Variants in NBEA observed in about 807,000 individuals in gnomAD.
NBEA encodes neurobeachin.
Under a neutral mutation model 343.4 loss-of-function variants are expected in NBEA, and 44 were observed. The observed-to-expected ratio is 0.13, with a 90% CI of 0.10 to 0.16. NBEA has a LOEUF of 0.16. NBEA is among the 10% of genes least tolerant of loss of function. NBEA has a pLI of 1.00. For synonymous variants in NBEA, 1,175 were observed against 1,238.7 expected (o/e 0.95, Z 1.08); for missense variants, 2,555 against 3,631.3 (o/e 0.70, Z 7.62).
At chr13:35,191,352 G>A (rs536869292) in intron 30 of NBEA, among the ~76,000 whole-genome samples, 18 of 152,158 alleles carry the variant, frequency 1.2e-4, no homozygotes, top group South Asian at 8.3e-4. Context: ...TTGACACAGC[G>A]TAGTCAAAAC....
At chr13:35,231,909 T>C (rs1200480300) in intron 33 of NBEA, among the ~76,000 whole-genome samples, 2 of 152,160 alleles carry the variant, frequency 1.3e-5, no homozygotes, top group South Asian at 4.1e-4. Context: ...TTTTTAAGAA[T>C]GTCAAGTAGT....
chr13:35,071,729 T>A (rs1246504619), intron 10 of NBEA, among the ~76,000 whole-genome samples: 2 of 152,048 alleles, frequency 1.3e-5, no homozygotes, highest in Non-Finnish European at 1.5e-5. Flanking sequence ...AATGAAGATA[T>A]GAGAAAAATT....
intron 16 of NBEA, 84 bp downstream of exon 16, chr13:35,118,558 T>A (rs2066623792): frequency 9.7e-7 from 1 of 1,026,262 alleles, no homozygotes; most frequent in Non-Finnish European, 1.4e-6. Flanking sequence ...CTATGAATAT[T>A]TGAATAAATA....
chr13:35,171,962 T>C (rs2070496188), intron 26 of NBEA, among the ~76,000 whole-genome samples: 2 of 152,084 alleles, frequency 1.3e-5, no homozygotes, highest in Non-Finnish European at 1.5e-5. Flanking sequence ...AGTGAAACTT[T>C]AGCACTGAAA....
At chr13:35,061,235 A>G (rs1344370132) in intron 8 of NBEA, among the ~76,000 whole-genome samples, 1 of 151,730 alleles carries the variant, frequency 6.6e-6, no homozygotes, top group African/African-American at 2.4e-5. Flanking sequence ...ATCAGTAAAT[A>G]TTCTGTACTT....
At chr13:35,257,211 G>A (rs74048963) in intron 34 of NBEA, among the ~76,000 whole-genome samples, 2,297 of 152,282 alleles carry the variant, frequency 0.015, 52 homozygotes, top group African/African-American at 0.052. Context: ...GTAGTAAAGT[G>A]GATAAGTTTA....
chr13:35,508,721 AAGGAATCT>A (rs2077163017), intron 41 of NBEA, among the ~76,000 whole-genome samples: 1 of 152,188 alleles, frequency 6.6e-6, no homozygotes, highest in Non-Finnish European at 1.5e-5. Flanking sequence ...GAAATAGTAA[AAGGAATCT>A]AGGAGACATT....
intron 10 of NBEA, among the ~76,000 whole-genome samples, chr13:35,082,854 C>G (rs7981772): frequency 0.027 from 4,176 of 152,074 alleles, 82 homozygotes; most frequent in South Asian, 0.075. Flanking sequence ...AAAATTTTCT[C>G]CCATTCTGTA....
intron 30 of NBEA, among the ~76,000 whole-genome samples, chr13:35,192,566 T>C (rs1290383121): frequency 6.6e-6 from 1 of 151,994 alleles, no homozygotes; most frequent in Non-Finnish European, 1.5e-5. Context: ...TAGTACTATG[T>C]AAATATTTTG....
intron 36 of NBEA, among the ~76,000 whole-genome samples, chr13:35,336,682 G>A (rs944673203): frequency 4.6e-5 from 7 of 151,950 alleles, no homozygotes; most frequent in Non-Finnish European, 7.4e-5. Flanking sequence ...ACTGTATTAT[G>A]AAGCCTTAAA....
chr13:35,557,509 TA>T (rs1380053913), intron 44 of NBEA, among the ~76,000 whole-genome samples: 1 of 152,188 alleles, frequency 6.6e-6, no homozygotes, highest in East Asian at 1.9e-4. Flanking sequence ...GGTGGGAATT[TA>T]AAAGCATCTT....
intron 5 of NBEA, among the ~76,000 whole-genome samples, chr13:35,049,747 C>A (rs2062998508): frequency 6.6e-6 from 1 of 151,814 alleles, no homozygotes; most frequent in Non-Finnish European, 1.5e-5. Context: ...TAGAAGAAAA[C>A]AACTATATTT....
chr13:35,103,014 T>C (rs1423308367), intron 11 of NBEA, among the ~76,000 whole-genome samples: 1 of 151,848 alleles, frequency 6.6e-6, no homozygotes, highest in Non-Finnish European at 1.5e-5. Flanking sequence ...GATTACTTTG[T>C]GTGGATTTTT....
chr13:35,308,162 T>C (rs958264592), intron 35 of NBEA, among the ~76,000 whole-genome samples: 6 of 151,390 alleles, frequency 4.0e-5, no homozygotes, highest in African/African-American at 1.5e-4. Flanking sequence ...TCAGAATGAG[T>C]GTAAAGCCTT....
At chr13:35,371,670 C>T (rs927099747) in intron 38 of NBEA, among the ~76,000 whole-genome samples, 2 of 152,032 alleles carry the variant, frequency 1.3e-5, no homozygotes, top group African/African-American at 4.8e-5. Context: ...GTCGTATTTG[C>T]TTGCTTTCTT....
chr13:35,425,588 A>G (rs1475524373), intron 38 of NBEA, among the ~76,000 whole-genome samples: 2 of 152,188 alleles, frequency 1.3e-5, no homozygotes, highest in Non-Finnish European at 2.9e-5. Context: ...ATTTTGGAAT[A>G]GGTGTGGTGT....
intron 10 of NBEA, among the ~76,000 whole-genome samples, chr13:35,085,168 G>A (rs1246408618): frequency 5.3e-5 from 8 of 152,116 alleles, no homozygotes; most frequent in Admixed American, 6.5e-5. Flanking sequence ...GGAGGAGCTG[G>A]TACCATTCCT....
chr13:35,050,296 C>T lies in NBEA; in HGVS notation c.873C>T (p.Tyr291=), dbSNP rs1259476297. Residue 291 remains tyrosine (Y), a synonymous_variant, in exon 6 of 59, where the codon TAC becomes TAT. Coordinates refer to ENST00000379939, the MANE Select transcript of NBEA (RefSeq NM_001385012.1). ...YCFRTSKGVG[Y]SAHFVGNCLI... Reference sequence around the variant, plus strand: ...TTCGTACTAGCAAAGGAGTTGGTTACTCTGCTCATTTTGTTGGCAACTGTT... The same window carrying T: ...TTCGTACTAGCAAAGGAGTTGGTTATTCTGCTCATTTTGTTGGCAACTGTT... The T allele has an allele frequency of 6.2e-7, 1 of 1,608,858 alleles. No homozygotes were observed. Among genetic ancestry groups the T allele is most frequent in the Non-Finnish European group, 8.5e-7 (1 of 1,177,938 alleles).
chr13:35,087,512 A>G (rs1254650044), intron 10 of NBEA, among the ~76,000 whole-genome samples: 2 of 151,898 alleles, frequency 1.3e-5, no homozygotes, highest in East Asian at 1.9e-4. Flanking sequence ...TGAATTTTAT[A>G]ATAGTTACGG....
Sources: gnomAD v4.1 joint callset for allele counts (sites outside exome capture counted in the v4.1 genomes callset) on GRCh38, gnomAD v4.1.1 for gene constraint, MANE v1.5 for transcripts, NCBI Gene and HGNC (gene_info 2026-07-23, HGNC 2026-07-21) for gene names.